PTPRD: variants seen among roughly 807,000 people sequenced by gnomAD.
PTPRD encodes protein tyrosine phosphatase receptor type D.
In PTPRD, 34 loss-of-function variants were observed where a neutral mutation model predicts 214.5. The ratio of observed to expected loss-of-function variants is 0.16; its 90% CI spans 0.12 to 0.21. The LOEUF (loss-of-function observed/expected upper bound fraction) is 0.21, where lower values mean the gene tolerates loss of function less well. PTPRD is among the 10% of genes least tolerant of loss of function. The pLI is 1.00. For synonymous variants in PTPRD, 1,128 were observed against 845.7 expected (o/e 1.33, Z -5.79); for missense variants, 2,545 against 2,398.7 (o/e 1.06, Z -1.27).
chr9:10,149,464 G>C (rs2099045670), intron 3 of PTPRD, among the ~76,000 whole-genome samples: 1 of 152,154 alleles, frequency 6.6e-6, no homozygotes, highest in Non-Finnish European at 1.5e-5. Flanking sequence ...TACATGACAA[G>C]AGTTGGCTTT....
intron 3 of PTPRD, among the ~76,000 whole-genome samples, chr9:10,195,311 G>C (rs1224926370): frequency 2.0e-5 from 3 of 151,978 alleles, no homozygotes; most frequent in Non-Finnish European, 4.4e-5. Context: ...CATATTTAGA[G>C]ACTGCAGTTA....
At chr9:10,215,013 T>A (rs529325913) in intron 3 of PTPRD, among the ~76,000 whole-genome samples, 3 of 152,066 alleles carry the variant, frequency 2.0e-5, no homozygotes, top group Non-Finnish European at 4.4e-5. Flanking sequence ...GAATCTTACA[T>A]TGGACAATGA....
chr9:9,400,020 T>A (rs1698997608), intron 8 of PTPRD, among the ~76,000 whole-genome samples: 1 of 151,518 alleles, frequency 6.6e-6, no homozygotes, highest in Non-Finnish European at 1.5e-5. Flanking sequence ...TTGTTATAAT[T>A]ATTAATACCT....
chr9:9,968,123 A>T lies in PTPRD; in HGVS notation c.-471-29513T>A, dbSNP rs543522355. Among the ~76,000 whole-genome samples the T allele has an allele frequency of 5.3e-5, 8 of 152,302 alleles. No homozygotes were observed. In the South Asian group the frequency reaches 1.7e-3, roughly 32 times the overall value. ...AAAGAATCCTATTTTAGAATATTAA[A>T]AATTTATCACATTTTAAAGGGAACC... On this transcript the variant is annotated intron_variant, in intron 4 of 45. Transcript: ENST00000381196.
At chr9:8,357,129 G>C (rs1414909611) in intron 39 of PTPRD, among the ~76,000 whole-genome samples, 1 of 152,156 alleles carries the variant, frequency 6.6e-6, no homozygotes, top group East Asian at 1.9e-4. Context: ...AAAGTCATGA[G>C]GAACCCAGCA....
At chr9:10,100,881 G>A (rs1415230834) in intron 3 of PTPRD, among the ~76,000 whole-genome samples, 1 of 151,276 alleles carries the variant, frequency 6.6e-6, no homozygotes, top group South Asian at 2.1e-4. Flanking sequence ...TAATAATAAA[G>A]AAACAAATAC....
intron 2 of PTPRD, among the ~76,000 whole-genome samples, chr9:10,428,871 T>C (rs2098650462): frequency 6.6e-6 from 1 of 152,032 alleles, no homozygotes; most frequent in Non-Finnish European, 1.5e-5. Context: ...TGTAACAGCA[T>C]ATAAGCTGGA....
intron 5 of PTPRD, among the ~76,000 whole-genome samples, chr9:9,920,482 T>A (rs1028048455): frequency 6.6e-6 from 1 of 152,144 alleles, no homozygotes. Flanking sequence ...AGAACATTAT[T>A]ATAAAAATAA....
intron 10 of PTPRD, among the ~76,000 whole-genome samples, chr9:9,129,119 G>C (rs1300577478): frequency 6.6e-6 from 1 of 152,246 alleles, no homozygotes; most frequent in Non-Finnish European, 1.5e-5. Context: ...GCCGGGCGCA[G>C]TGGCTCACGC....
At chr9:9,005,610 A>G (rs2099459472) in intron 11 of PTPRD, among the ~76,000 whole-genome samples, 1 of 152,038 alleles carries the variant, frequency 6.6e-6, no homozygotes, top group South Asian at 2.1e-4. Context: ...ACCTAAGTAT[A>G]AGAAGACTAA....
Position 9,076,346 on chromosome 9 carries a change from G to A in PTPRD, c.-142-57611C>T, listed in dbSNP as rs191856403. Among the ~76,000 whole-genome samples, 82 of 152,232 alleles carry A rather than the reference G, an allele frequency of 5.4e-4. 4 individuals are homozygous for A. The East Asian group carries it at 0.015, about 29-fold the overall frequency. Reference sequence around the variant, plus strand: ...TTTTCCCCCGTTCTGTAGGTTGCCTGTCCACTCTGATGGCAGTTTCTTTTG... The same window carrying A: ...TTTTCCCCCGTTCTGTAGGTTGCCTATCCACTCTGATGGCAGTTTCTTTTG... On this transcript the variant is annotated intron_variant, in intron 10 of 45. Coordinates refer to ENST00000381196, the MANE Select transcript of PTPRD (RefSeq NM_002839.4).
chr9:10,032,069 A>G (rs527358304), intron 4 of PTPRD, among the ~76,000 whole-genome samples: 23 of 152,234 alleles, frequency 1.5e-4, no homozygotes, highest in Middle Eastern at 3.4e-3. Context: ...AGGATTAATT[A>G]AATGTGAGCT....
chr9:9,130,326 T>C (rs546495997), intron 10 of PTPRD, among the ~76,000 whole-genome samples: 66 of 152,272 alleles, frequency 4.3e-4, no homozygotes, highest in African/African-American at 1.3e-3. Context: ...TAATAAAACA[T>C]CAAAATTTTA....
At chr9:10,053,085 G>A (rs1364720454) in intron 3 of PTPRD, among the ~76,000 whole-genome samples, 4 of 152,016 alleles carry the variant, frequency 2.6e-5, no homozygotes, top group Non-Finnish European at 4.4e-5. Context: ...AATAGATAAG[G>A]CAAATGTTTT....
intron 21 of PTPRD, among the ~76,000 whole-genome samples, chr9:8,513,834 C>A (rs1426376291): frequency 6.6e-6 from 1 of 152,024 alleles, no homozygotes; most frequent in African/African-American, 2.4e-5. Flanking sequence ...CAGATCAAAT[C>A]ATTGTGCTAT....
intron 8 of PTPRD, among the ~76,000 whole-genome samples, chr9:9,473,971 A>G (rs142579291): frequency 0.013 from 1,922 of 152,012 alleles, 34 homozygotes; most frequent in African/African-American, 0.044. Flanking sequence ...TGTTTGATAT[A>G]GTCCATTTGT....
At chr9:8,456,055 G>A (rs986283168) in intron 33 of PTPRD, among the ~76,000 whole-genome samples, 1 of 152,154 alleles carries the variant, frequency 6.6e-6, no homozygotes, top group Admixed American at 6.5e-5. Flanking sequence ...AGTTGATATT[G>A]AGTGATGGAG....
rs559181103 is a variant in PTPRD at position 9,517,763 on chromosome 9, T to C, written c.-237+56969A>G. Among the ~76,000 whole-genome samples the C allele has an allele frequency of 9.5e-4, 144 of 152,138 alleles. 1 individual carries two copies. Among genetic ancestry groups the C allele is most frequent in the African/African-American group, 3.4e-3 (140 of 41,548 alleles). The stretch of plus-strand genomic sequence containing the variant: ...TCCAGAAAAAAATGGTGCATATTAA[T>C]TGGTAATTACAAATTTTAACACATA... On this transcript the variant is annotated intron_variant, in intron 8 of 45. Coordinates refer to ENST00000381196, the MANE Select transcript of PTPRD (RefSeq NM_002839.4).
At chr9:9,104,037 A>T (rs1179989755) in intron 10 of PTPRD, among the ~76,000 whole-genome samples, 2 of 152,116 alleles carry the variant, frequency 1.3e-5, no homozygotes. Flanking sequence ...ACACACAGTA[A>T]TTTCTGTTTA....
Sources: gnomAD v4.1 joint callset for allele counts (sites outside exome capture counted in the v4.1 genomes callset) on GRCh38, gnomAD v4.1.1 for gene constraint, MANE v1.5 for transcripts, NCBI Gene and HGNC (gene_info 2026-07-23, HGNC 2026-07-21) for gene names.